Variants in BIN2 observed in about 807,000 individuals in gnomAD.
BIN2 encodes the protein breast cancer associated protein BRAP1.
Under a neutral mutation model 67.9 loss-of-function variants are expected in BIN2, and 43 were observed. That is an observed-to-expected ratio of 0.63 (90% CI 0.50 to 0.82). The LOEUF (loss-of-function observed/expected upper bound fraction) is 0.82, where lower values mean the gene tolerates loss of function less well. Ranked by LOEUF, BIN2 falls within the 40% of genes least tolerant of loss-of-function variation. The pLI, the probability that BIN2 is intolerant of heterozygous loss-of-function variation, is 0.00. For missense variants in BIN2, 581 were observed against 671.6 expected (o/e 0.87, Z 1.49); for synonymous variants, 244 against 246.8 (o/e 0.99, Z 0.11).
chr12:51,323,961 GGGCTCGGCCT>G, intron 1 of BIN2, 51 bp downstream of exon 1: 6 of 1,592,174 alleles, frequency 3.8e-6, no homozygotes, highest in Non-Finnish European at 5.1e-6. Context: ...CTGCCCGGCC[GGGCTCGGCCT>G]CGGCCTCGGC....
At chr12:51,284,522 G>C (rs1371747393) in intron 12 of BIN2, among the ~76,000 whole-genome samples, 194 bp downstream of exon 12, 1 of 152,138 alleles carries the variant, frequency 6.6e-6, no homozygotes, top group East Asian at 1.9e-4. Context: ...TTAAGGTCAA[G>C]TATAGGAAAA....
chr12:51,283,007 A>G (rs1366795456), intron 12 of BIN2, among the ~76,000 whole-genome samples: 4 of 151,604 alleles, frequency 2.6e-5, no homozygotes, highest in Non-Finnish European at 4.4e-5. Flanking sequence ...CCAGCATCCC[A>G]GCACTTTGGG....
chr12:51,314,124 T>G (rs2137432150), intron 1 of BIN2, among the ~76,000 whole-genome samples: 1 of 152,202 alleles, frequency 6.6e-6, no homozygotes, highest in African/African-American at 2.4e-5. Context: ...CTCGGCTCAC[T>G]GCAACCTTCG....
At chr12:51,324,451 G>C (rs909235414), upstream of BIN2, 3 of 1,502,584 alleles carry the variant, frequency 2.0e-6, no homozygotes, top group Non-Finnish European at 2.7e-6. Flanking sequence ...GCTGAGCACT[G>C]CAAAGCAACT....
intron 12 of BIN2, among the ~76,000 whole-genome samples, chr12:51,283,263 CAAAAAAAA>C (rs56781092): frequency 8.0e-6 from 1 of 125,634 alleles, no homozygotes; most frequent in South Asian, 2.9e-4. Context: ...GACTCCATCT[CAAAAAAAA>C]AAAAAAAAAA....
chr12:51,294,981 G>A (rs955325634), intron 9 of BIN2, among the ~76,000 whole-genome samples: 30 of 152,038 alleles, frequency 2.0e-4, no homozygotes, highest in Non-Finnish European at 3.8e-4. Context: ...CATCCAGGCT[G>A]GAGTGCAGTG....
intron 1 of BIN2, among the ~76,000 whole-genome samples, chr12:51,318,597 G>A (rs1373978733): frequency 6.6e-6 from 1 of 152,074 alleles, no homozygotes; most frequent in Non-Finnish European, 1.5e-5. Flanking sequence ...TCTCATTCCT[G>A]GAGCTCTTGC....
chr12:51,284,901 CAAAGGGCAAAATACAG>C, intron 11 of BIN2, 114 bp from the exon 12 acceptor site: 1 of 760,346 alleles, frequency 1.3e-6, no homozygotes, highest in South Asian at 1.6e-5. Flanking sequence ...TGTACTATTA[CAAAGGGCAAAATACAG>C]TGTTGTTTCA....
intron 2 of BIN2, among the ~76,000 whole-genome samples, chr12:51,310,182 A>G (rs996658696): frequency 1.3e-5 from 2 of 152,232 alleles, no homozygotes; most frequent in African/African-American, 4.8e-5. Context: ...CCTGAATCTC[A>G]TCAAGCCTCT....
intron 11 of BIN2, among the ~76,000 whole-genome samples, chr12:51,285,977 T>C (rs953297151): frequency 6.6e-6 from 1 of 152,160 alleles, no homozygotes; most frequent in Non-Finnish European, 1.5e-5. Context: ...TCAAGGACAT[T>C]TTCTTTCTTT....
intron 7 of BIN2, 115 bp downstream of exon 7, chr12:51,299,088 A>AAAG: frequency 1.9e-6 from 1 of 533,536 alleles, no homozygotes; most frequent in African/African-American, 2.3e-5. Context: ...AAAAAAAAAA[A>AAAG]GGGGGCGGGG....
intron 12 of BIN2, 43 bp downstream of exon 12, chr12:51,284,673 G>T: frequency 6.8e-7 from 1 of 1,479,434 alleles, no homozygotes; most frequent in Non-Finnish European, 9.4e-7. Context: ...CCAAACCCCT[G>T]TCAATCTAAT....
intron 2 of BIN2, among the ~76,000 whole-genome samples, chr12:51,313,184 G>GAGGA (rs534447282): frequency 0.2 from 22,368 of 113,608 alleles, 2,573 homozygotes; most frequent in Middle Eastern, 0.31. Context: ...GTTGCAGTGA[G>GAGGA]AGGAAGGAAG....
intron 10 of BIN2, 69 bp downstream of exon 10, chr12:51,291,522 G>A (rs1224960117): frequency 2.8e-6 from 4 of 1,446,176 alleles, no homozygotes; most frequent in South Asian, 2.9e-5. Context: ...CAGCCTGGAC[G>A]CCTGAGTGAG....
chr12:51,286,598 C>T (rs1945242148), intron 11 of BIN2, among the ~76,000 whole-genome samples: 1 of 152,192 alleles, frequency 6.6e-6, no homozygotes. Flanking sequence ...CACTCTATTA[C>T]TGTCTCCATC....
At chr12:51,298,866 C>T (rs992163961) in intron 7 of BIN2, among the ~76,000 whole-genome samples, 2 of 151,702 alleles carry the variant, frequency 1.3e-5, no homozygotes, top group Non-Finnish European at 2.9e-5. Context: ...GCCAGGAGTT[C>T]GAGACCAGCC....
In BIN2 at chr12:51,319,319, G is replaced by A. The variant is rs141254245; in HGVS notation, c.81+4703C>T. 3.5e-3 allele frequency among the ~76,000 whole-genome samples: 534 copies of A among 152,318 alleles called. 3 individuals are homozygous for A. Among genetic ancestry groups the A allele is most frequent in the African/African-American group, 0.012 (507 of 41,572 alleles). On this transcript the variant is annotated intron_variant, in intron 1 of 12. Coordinates refer to ENST00000615107, the MANE Select transcript of BIN2 (RefSeq NM_016293.4). ...TTCCTCACCCTCCAACTCTGAAAGTGAAAAGGTGTTACCACCCTGAAACAT... is the reference window on the plus strand; with the variant it reads ...TTCCTCACCCTCCAACTCTGAAAGTAAAAAGGTGTTACCACCCTGAAACAT...
intron 1 of BIN2, among the ~76,000 whole-genome samples, chr12:51,321,719 C>A (rs1946288564): frequency 6.6e-6 from 1 of 152,174 alleles, no homozygotes; most frequent in South Asian, 2.1e-4. Context: ...TTCTTATATC[C>A]CTGTCTCTGG....
chr12:51,297,159 AT>A lies in BIN2; in HGVS notation c.607del (p.Ile203LeufsTer5). ...EELPILYNSRIGCYVTIFQNI... is the reference protein window; with the variant it reads ...EELPILYNSRXGCYVTIFQNI... ...TTGGAAGATGGTCACATAGCAGCCAATACGACTATTAGGAAGCAAAACCACA... is the reference window on the plus strand; with the variant it reads ...TTGGAAGATGGTCACATAGCAGCCAAACGACTATTAGGAAGCAAAACCACA... On this transcript the variant is annotated frameshift_variant, in exon 8 of 13. Coordinates refer to ENST00000615107, the MANE Select transcript of BIN2 (RefSeq NM_016293.4). LOFTEE classifies it high-confidence loss of function. 1.9e-6 allele frequency: 3 copies of A among 1,613,840 alleles called. No individual in the cohort carries two copies. The highest frequency in any genetic ancestry group is 2.5e-6 in the Non-Finnish European group (3 of 1,179,730).
Sources: allele counts gnomAD v4.1 joint callset (sites outside exome capture counted in the v4.1 genomes callset), GRCh38; gene constraint gnomAD v4.1.1; transcripts MANE v1.5; gene names NCBI Gene and HGNC (gene_info 2026-07-23, HGNC 2026-07-21).